The following KCTD3 variants were observed in gnomAD, a reference collection of about 807,000 sequenced individuals.
KCTD3 encodes the protein BTB/POZ domain-containing protein KCTD3.
In KCTD3, 41 loss-of-function variants were observed where a neutral mutation model predicts 85.8. That is an observed-to-expected ratio of 0.48 (90% CI 0.37 to 0.62). KCTD3 has a LOEUF of 0.62. KCTD3 is among the 20% of genes least tolerant of loss of function. The probability of loss-of-function intolerance (pLI) is 0.00; values close to 1 mark genes in which losing one functional copy is unlikely to be tolerated. For missense variants in KCTD3, 724 were observed against 989.9 expected, an observed-to-expected ratio of 0.73 and a Z score of 3.60; for synonymous variants, 338 against 345.4, an observed-to-expected ratio of 0.98 and a Z score of 0.24.
intron 10 of KCTD3, among the ~76,000 whole-genome samples, chr1:215,599,092 C>T (rs578093423): frequency 2.6e-5 from 4 of 152,224 alleles, no homozygotes; most frequent in South Asian, 2.1e-4. Flanking sequence ...CACCAGAAGA[C>T]GACAACGGGC....
Position 215,620,166 on chromosome 1 carries a change from C to T in KCTD3, c.1996C>T (p.His666Tyr). The T allele has an allele frequency of 6.2e-7, 1 of 1,613,772 alleles. No homozygotes were observed. The highest frequency in any genetic ancestry group is 8.5e-7 in the Non-Finnish European group (1 of 1,179,780). ...LARARRTESF[H>Y]SYRDFQTINL... ...AAGGGCAAGAAGGACTGAGAGCTTT[C>T]ACAGTTATAGGGACTTCCAGACTAT... Residue 666 changes from histidine to tyrosine, a missense_variant, in exon 18 of 18, where the codon CAC becomes TAC. Physicochemically the swap from His to Tyr is moderately conservative, Grantham distance 83 (BLOSUM62 2). Transcript: ENST00000259154.
At chr1:215,584,959 A>G (rs1449282753) in intron 8 of KCTD3, among the ~76,000 whole-genome samples, 1 of 152,162 alleles carries the variant, frequency 6.6e-6, no homozygotes, top group African/African-American at 2.4e-5. Context: ...CTCGAAAGAA[A>G]AGTGTTCTTG....
rs370026945 is a variant in KCTD3, at chr1:215,618,392, A to AT, written c.1563-485dup. 6.6e-3 allele frequency: 1,074 copies of AT among 162,132 alleles called. 23 individuals carry two copies. Among genetic ancestry groups the AT allele is most frequent in the South Asian group, 0.066 (395 of 6,026 alleles). 10.0% of individuals were successfully genotyped at this position (162,132 alleles called of 1,614,324 possible). On this transcript the variant is annotated intron_variant, in intron 15 of 17. Transcript: ENST00000259154. ...TGCTTCTCAAATTCATGTGGATTGT[A>AT]TTTTTTTTTGTCTATTTTTTTGACC...
intron 7 of KCTD3, among the ~76,000 whole-genome samples, chr1:215,579,499 AT>A (rs780828089): frequency 0.018 from 2,528 of 137,864 alleles, 29 homozygotes; most frequent in African/African-American, 0.043. Flanking sequence ...TAACAAAACT[AT>A]TTTTTTTTTT....
chr1:215,617,318 A>G (rs1655492798), intron 15 of KCTD3, among the ~76,000 whole-genome samples: 1 of 152,192 alleles, frequency 6.6e-6, no homozygotes, highest in South Asian at 2.1e-4. Context: ...GTCAGTTAGA[A>G]GCACAGGCAA....
At chr1:215,612,586 T>G (rs1655273911) in intron 15 of KCTD3, among the ~76,000 whole-genome samples, 1 of 152,190 alleles carries the variant, frequency 6.6e-6, no homozygotes, top group Non-Finnish European at 1.5e-5. Context: ...CAGAAATGAT[T>G]TCTATTCAAA....
chr1:215,619,136 CTA>C lies in KCTD3; in HGVS notation c.1748-15_1748-14del. The C allele has an allele frequency of 6.2e-7, 1 of 1,611,474 alleles. No individual in the cohort carries two copies. Among genetic ancestry groups the C allele is most frequent in the Non-Finnish European group, 8.5e-7 (1 of 1,178,520 alleles). On this transcript the variant is annotated splice_polypyrimidine_tract_variant and intron_variant, in intron 16 of 17. Transcript: ENST00000259154. ...CTTTTCACTTAAGTGATTTTAATGA[CTA>C]TTTGTTCTCCTAAGATGTAGGTGGT... is the stretch of plus-strand genomic sequence containing the variant.
chr1:215,575,966 A>G lies in KCTD3; in HGVS notation c.249A>G (p.Leu83=). 1 of 1,507,044 alleles carries G rather than the reference A, an allele frequency of 6.6e-7. No individual in the cohort carries two copies. The highest frequency in any genetic ancestry group is 9.1e-7 in the Non-Finnish European group (1 of 1,098,970). 93.4% of individuals were successfully genotyped at this position (1,507,044 alleles called of 1,614,324 possible). ...TAAATTTTCTTCGGACAAAAGAACT[A>G]GACTTAAGGTAAGAAATGCACTCTT... ...PILNFLRTKE[L]DLRGVSINVL... is the part of the protein sequence containing the mutation. Residue 83 remains leucine (L), a synonymous_variant, in exon 4 of 18, where the codon CTA becomes CTG. Transcript: ENST00000259154.
At chr1:215,601,722 C>T (rs530798904) in intron 10 of KCTD3, 145 bp from the exon 11 acceptor site, 14 of 579,486 alleles carry the variant, frequency 2.4e-5, no homozygotes, top group Admixed American at 3.1e-5. Flanking sequence ...CACGCGTGCA[C>T]CTAAAGAAAG....
chr1:215,568,403 G>C (rs1439314367), intron 1 of KCTD3, among the ~76,000 whole-genome samples: 2 of 147,754 alleles, frequency 1.4e-5, no homozygotes, highest in Non-Finnish European at 3.0e-5. Context: ...CTTTTAGGAA[G>C]CTCTGGATAT....
chr1:215,618,724 GTTTC>G, intron 15 of KCTD3, 158 bp from the exon 16 acceptor site: 1 of 596,282 alleles, frequency 1.7e-6, no homozygotes, highest in Non-Finnish European at 2.9e-6. Context: ...ATTTTTTCTG[GTTTC>G]AGATTTTAAA....
chr1:215,614,018 GTTTTTTTTTTTTTTT>G (rs577770912), intron 15 of KCTD3, among the ~76,000 whole-genome samples: 2 of 66,290 alleles, frequency 3.0e-5, no homozygotes, highest in South Asian at 4.9e-4. Flanking sequence ...CTTTAGAATA[GTTTTTTTTTTTTTTT>G]TTTTTTTTTT....
intron 10 of KCTD3, among the ~76,000 whole-genome samples, chr1:215,598,497 A>G (rs914858348): frequency 1.3e-5 from 2 of 152,160 alleles, no homozygotes; most frequent in African/African-American, 2.4e-5. Flanking sequence ...AGAATCCTGT[A>G]GAAAGAGTAA....
chr1:215,569,125 C>CTT (rs397964441), intron 1 of KCTD3, among the ~76,000 whole-genome samples: 21 of 139,056 alleles, frequency 1.5e-4, no homozygotes, highest in South Asian at 6.9e-4. Flanking sequence ...CTTTAATTTT[C>CTT]TTTTTTTTTT....
chr1:215,620,358 A>G lies in KCTD3; in HGVS notation c.2188A>G (p.Lys730Glu). The change falls in exon 18 of 18, where the codon AAA becomes GAA. Residue 730 changes from lysine (K) to glutamate (E), a missense_variant. Lys to Glu is a moderately conservative substitution (Grantham distance 56). Transcript: ENST00000259154. ...ATTGGATAGTGGATTGGAAGTGCATAAAATAGCTGAAGGTTTTTCAGAATC... is the reference window on the plus strand; with the variant it reads ...ATTGGATAGTGGATTGGAAGTGCATGAAATAGCTGAAGGTTTTTCAGAATC... ...RELDSGLEVH[K>E]IAEGFSESKK... 1 of 1,613,524 alleles carries G rather than the reference A, an allele frequency of 6.2e-7. No individual in the cohort carries two copies. The highest frequency in any genetic ancestry group is 8.5e-7 in the Non-Finnish European group (1 of 1,179,788).
chr1:215,593,386 T>C (rs1230636686), intron 9 of KCTD3, among the ~76,000 whole-genome samples: 1 of 152,180 alleles, frequency 6.6e-6, no homozygotes, highest in Non-Finnish European at 1.5e-5. Context: ...CTTAGCAGGT[T>C]TTTTGTTTTG....
intron 17 of KCTD3, among the ~76,000 whole-genome samples, chr1:215,619,528 A>C (rs2102611465): frequency 6.6e-6 from 1 of 152,292 alleles, no homozygotes; most frequent in African/African-American, 2.4e-5. Context: ...GCCCAATTGG[A>C]AGCCTATTAT....
rs563959943 is a variant in KCTD3, at chr1:215,571,629, C to CT, written c.84-2140dup. ...GTATGTGGGAAGAAGTGGAGATAAA[C>CT]TTTTTTTTTTTTTTTTTCCGAGACG... is the stretch of plus-strand genomic sequence containing the variant. On this transcript the variant is annotated intron_variant, in intron 1 of 17. Coordinates refer to ENST00000259154, the MANE Select transcript of KCTD3 (RefSeq NM_016121.5). Among the ~76,000 whole-genome samples, 552 of 141,772 alleles carry CT rather than the reference C, an allele frequency of 3.9e-3. 1 individual carries two copies. Among genetic ancestry groups the CT allele is most frequent in the African/African-American group, 5.9e-3 (229 of 38,826 alleles). The allele number at this position is 141,772 out of a possible 152,430, so 93.0% of individuals were successfully genotyped here.
Position 215,611,868 on chromosome 1 carries a change from A to G in KCTD3, c.1509A>G (p.Lys503=), listed in dbSNP as rs2102601534. ...ERDDQQVFIQ[K]VVPITNKLFV... ...ACGATCAACAGGTGTTTATCCAGAA[A>G]GTTGTTCCCATCACCAACAAACTAT... is the stretch of plus-strand genomic sequence containing the variant. Residue 503 remains lysine, a synonymous_variant, in exon 15 of 18, where the codon AAA becomes AAG. Transcript: ENST00000259154. 3 of 1,609,670 alleles carry G rather than the reference A, an allele frequency of 1.9e-6. No homozygotes were observed. The highest frequency in any genetic ancestry group is 2.2e-5 in the East Asian group (1 of 44,796).
Sources: allele counts gnomAD v4.1 joint callset (sites outside exome capture counted in the v4.1 genomes callset), GRCh38; gene constraint gnomAD v4.1.1; transcripts MANE v1.5; gene names NCBI Gene and HGNC (gene_info 2026-07-23, HGNC 2026-07-21).